GMDS: variants seen among roughly 807,000 people sequenced by gnomAD.
The protein encoded by GMDS is GDP-mannose 4,6 dehydratase.
A neutral mutation model predicts 49.9 loss-of-function variants in GMDS; 20 were observed. The observed-to-expected ratio is 0.40, with a 90% CI of 0.28 to 0.58. The LOEUF is 0.58. Among genes scored for constraint, GMDS ranks in the 20% least tolerant of loss-of-function variants. The probability of loss-of-function intolerance (pLI) is 0.42; values close to 1 mark genes in which losing one functional copy is unlikely to be tolerated. For missense variants in GMDS, 362 were observed against 481.4 expected, an observed-to-expected ratio of 0.75 and a Z score of 2.32; for synonymous variants, 177 against 178.6, an observed-to-expected ratio of 0.99 and a Z score of 0.07.
chr6:1,752,058 T>C (rs935495624), intron 7 of GMDS, among the ~76,000 whole-genome samples: 2 of 152,130 alleles, frequency 1.3e-5, no homozygotes, highest in African/African-American at 2.4e-5. Flanking sequence ...AGAAGTAGGC[T>C]TCAGAAGGTG....
At chr6:1,844,446 A>G (rs1303706394) in intron 7 of GMDS, among the ~76,000 whole-genome samples, 1 of 152,230 alleles carries the variant, frequency 6.6e-6, no homozygotes, top group Non-Finnish European at 1.5e-5. Context: ...TCAGGATTAA[A>G]CTTAAAATTC....
intron 9 of GMDS, among the ~76,000 whole-genome samples, chr6:1,702,480 TGTG>T (rs139691969): frequency 0.092 from 13,991 of 152,194 alleles, 1,123 homozygotes; most frequent in East Asian, 0.4. Flanking sequence ...TTTCACTGTA[TGTG>T]GGAGGAGTAG....
chr6:1,740,833 C>T (rs1286380044), intron 8 of GMDS, among the ~76,000 whole-genome samples: 3 of 152,052 alleles, frequency 2.0e-5, no homozygotes, highest in Admixed American at 6.5e-5. Context: ...CCATATTATA[C>T]GTAAAATTTG....
At chr6:1,797,362 A>T (rs1272361165) in intron 7 of GMDS, among the ~76,000 whole-genome samples, 1 of 152,222 alleles carries the variant, frequency 6.6e-6, no homozygotes, top group Admixed American at 6.5e-5. Context: ...CATGTTAAAA[A>T]GGTAAAAAGA....
intron 9 of GMDS, among the ~76,000 whole-genome samples, chr6:1,712,352 C>T (rs115596042): frequency 2.6e-3 from 396 of 152,318 alleles, no homozygotes; most frequent in African/African-American, 9.2e-3. Context: ...GATAGGGAAG[C>T]TGAGATGACG....
At position 2,060,011 on chromosome 6, in the gene GMDS, TA is replaced by T. The variant is rs956592556; in HGVS notation, c.345+55759del. ...AATAATATAACCACATTTTCAAAAT[TA>T]AAAAAAATACATAAGCAAATAATAA... is the stretch of plus-strand genomic sequence containing the variant. On this transcript the variant is annotated intron_variant, in intron 4 of 10. Coordinates refer to ENST00000380815, the MANE Select transcript of GMDS (RefSeq NM_001500.4). Among the ~76,000 whole-genome samples the T allele has an allele frequency of 2.6e-3, 390 of 152,014 alleles. 2 individuals are homozygous for T. The highest frequency in any genetic ancestry group is 9.2e-3 in the African/African-American group (381 of 41,494).
rs1763290148 is a variant in GMDS, at chr6:1,640,311, T to C, written c.988-15771A>G. Among the ~76,000 whole-genome samples, 1 of 152,152 alleles carries C rather than the reference T, an allele frequency of 6.6e-6. No individual in the cohort carries two copies. Among genetic ancestry groups the C allele is most frequent in the Non-Finnish European group, 1.5e-5 (1 of 68,032 alleles). ...GTGGAGAAGCACATGGGATTTAGGG[T>C]CACAGAGACTTAGGTTGACACTAGA... is the stretch of plus-strand genomic sequence containing the variant. On this transcript the variant is annotated intron_variant, in intron 9 of 10. Transcript: ENST00000380815. The surrounding 1 kb of genome is among the most constrained non-coding windows in gnomAD (Gnocchi z 4.0).
rs541877216 is a variant in GMDS, at chr6:1,635,049, C to T, written c.988-10509G>A. Among the ~76,000 whole-genome samples, 4 of 152,326 alleles carry T rather than the reference C, an allele frequency of 2.6e-5. No homozygotes were observed. Among genetic ancestry groups the T allele is most frequent in the African/African-American group, 4.8e-5 (2 of 41,566 alleles). On this transcript the variant is annotated intron_variant, in intron 9 of 10. Coordinates refer to ENST00000380815, the MANE Select transcript of GMDS (RefSeq NM_001500.4). This position sits in a 1 kb window ranked among gnomAD's most constrained non-coding sequence, Gnocchi z 4.7. ...CCTAGTGGAGTCTGCGTGTGCCTCTCACCACAGCCCTGCCAGCATTACGTG... is the reference window on the plus strand; with the variant it reads ...CCTAGTGGAGTCTGCGTGTGCCTCTTACCACAGCCCTGCCAGCATTACGTG...
At chr6:1,712,175 AG>A (rs1217928136) in intron 9 of GMDS, among the ~76,000 whole-genome samples, 3 of 152,252 alleles carry the variant, frequency 2.0e-5, no homozygotes, top group Admixed American at 2.0e-4. Context: ...AAATTAAGTC[AG>A]ATTAATCCAG....
At chr6:1,863,055 T>C (rs1758269239) in intron 7 of GMDS, among the ~76,000 whole-genome samples, 1 of 152,352 alleles carries the variant, frequency 6.6e-6, no homozygotes, top group East Asian at 1.9e-4. Context: ...TGCATTTTTA[T>C]CCTGCAGAAA....
chr6:2,221,214 G>A (rs1003152731), intron 1 of GMDS, among the ~76,000 whole-genome samples: 1 of 152,086 alleles, frequency 6.6e-6, no homozygotes, highest in Non-Finnish European at 1.5e-5. Flanking sequence ...ACACAAAATT[G>A]TGGCTCAAAG....
At chr6:1,743,467 C>T (rs937166926) in intron 7 of GMDS, among the ~76,000 whole-genome samples, 19 of 146,630 alleles carry the variant, frequency 1.3e-4, no homozygotes, top group African/African-American at 4.0e-4. Context: ...GGCGTGAACC[C>T]GGGAGGCGGA....
intron 4 of GMDS, among the ~76,000 whole-genome samples, chr6:2,039,099 C>T (rs924412671): frequency 3.3e-5 from 5 of 152,188 alleles, no homozygotes; most frequent in African/African-American, 1.2e-4. Flanking sequence ...AGGCTCCCAA[C>T]CTGTACAGCA....
chr6:2,130,251 A>G (rs909074688), intron 1 of GMDS, among the ~76,000 whole-genome samples: 2 of 152,254 alleles, frequency 1.3e-5, no homozygotes, highest in African/African-American at 4.8e-5. Flanking sequence ...TGAGGATACC[A>G]TCAATATTTA....
intron 1 of GMDS, among the ~76,000 whole-genome samples, chr6:2,228,988 G>T (rs750984405): frequency 2.0e-5 from 3 of 152,124 alleles, no homozygotes; most frequent in Non-Finnish European, 4.4e-5. Context: ...TGATGAAGTG[G>T]GGAAAGGGAA....
At chr6:2,089,911 G>A (rs1255479581) in intron 4 of GMDS, among the ~76,000 whole-genome samples, 1 of 152,180 alleles carries the variant, frequency 6.6e-6, no homozygotes, top group African/African-American at 2.4e-5. Flanking sequence ...GGGCCATGTG[G>A]AGAGAGGGTT....
chr6:1,667,853 A>T (rs768070372), intron 9 of GMDS, among the ~76,000 whole-genome samples: 9 of 151,974 alleles, frequency 5.9e-5, no homozygotes, highest in Non-Finnish European at 7.4e-5. Flanking sequence ...TAAATTGGAC[A>T]TTTTAAGAGG....
intron 7 of GMDS, among the ~76,000 whole-genome samples, chr6:1,850,112 C>A (rs1561844525): frequency 6.6e-6 from 1 of 152,184 alleles, no homozygotes; most frequent in Non-Finnish European, 1.5e-5. Flanking sequence ...CATGCAATCT[C>A]ATGGGTCTTC....
chr6:2,185,379 C>G (rs1399869235), intron 1 of GMDS, among the ~76,000 whole-genome samples: 2 of 152,194 alleles, frequency 1.3e-5, no homozygotes, highest in Non-Finnish European at 1.5e-5. Context: ...TTCCTCAAAA[C>G]TACTGCACTT....
Sources: allele counts gnomAD v4.1 joint callset (sites outside exome capture counted in the v4.1 genomes callset), GRCh38; gene constraint gnomAD v4.1.1; non-coding constraint Gnocchi (gnomAD v3.1); transcripts MANE v1.5; gene names NCBI Gene and HGNC (gene_info 2026-07-23, HGNC 2026-07-21).